Variants in FOXJ2 observed in about 807,000 individuals in gnomAD.
The protein encoded by FOXJ2 is forkhead box J2.
A neutral mutation model predicts 68.4 loss-of-function variants in FOXJ2; 18 were observed. That is an observed-to-expected ratio of 0.26 (90% CI 0.18 to 0.39). The LOEUF (loss-of-function observed/expected upper bound fraction) is 0.39, where lower values mean the gene tolerates loss of function less well. Ranked by LOEUF, FOXJ2 falls within the 10% of genes least tolerant of loss-of-function variation. FOXJ2 has a pLI of 1.00. For missense variants in FOXJ2, 670 were observed against 726.5 expected (o/e 0.92, Z 0.89); for synonymous variants, 274 against 263.2 (o/e 1.04, Z -0.40).
intron 10 of FOXJ2, among the ~76,000 whole-genome samples, chr12:8,050,853 CT>C (rs1472017273): frequency 3.8e-5 from 4 of 105,672 alleles, no homozygotes; most frequent in Non-Finnish European, 8.0e-5. Flanking sequence ...TTCCCTTCCC[CT>C]TCCCTTCCCT....
At chr12:8,048,440 T>C in intron 7 of FOXJ2, 151 bp downstream of exon 7, 3 of 1,340,650 alleles carry the variant, frequency 2.2e-6, no homozygotes, top group Non-Finnish European at 3.0e-6. Flanking sequence ...AAGTTACTAC[T>C]TAGAGCTCTG....
rs377087648 is a variant in FOXJ2 at position 8,050,937 on chromosome 12, C to T, written c.1636+317C>T. Among the ~76,000 whole-genome samples the T allele has an allele frequency of 3.4e-4, 35 of 102,888 alleles. No homozygotes were observed. The East Asian group carries it at 9.1e-3, about 27-fold the overall frequency. 67.5% of individuals were successfully genotyped at this position (102,888 alleles called of 152,430 possible). A position where few individuals can be genotyped will look rare whatever the true frequency, so the allele number is the denominator to read the frequency against. On this transcript the variant is annotated intron_variant, in intron 10 of 10. Transcript: ENST00000162391. ...CTTTCCTTCCCCTTCCCTTCCCCTTCCCCTTCCCTTCCCCTTCCTTTCCTC... is the reference window on the plus strand; with the variant it reads ...CTTTCCTTCCCCTTCCCTTCCCCTTTCCCTTCCCTTCCCCTTCCTTTCCTC...
At chr12:8,052,646 G>T (rs920138349) in intron 10 of FOXJ2, 116 bp from the exon 11 acceptor site, 2 of 800,792 alleles carry the variant, frequency 2.5e-6, no homozygotes, top group Non-Finnish European at 4.0e-6. Flanking sequence ...TGATAAGGGC[G>T]ATAGCCTCAC....
Position 8,054,077 on chromosome 12 carries a change from A to G in FOXJ2, c.*1227A>G, listed in dbSNP as rs867898307. The G allele has an allele frequency of 6.6e-6, 1 of 152,198 alleles. No homozygotes were observed. Among genetic ancestry groups the G allele is most frequent in the Non-Finnish European group, 1.5e-5 (1 of 68,042 alleles). The allele number at this position is 152,198 out of a possible 1,614,324, so 9.4% of individuals were successfully genotyped here. ...GATAGGGAATATTTTAGTTCTTTAA[A>G]TATATAGGCAGATGCTTCTCTTGGA... On this transcript the variant is annotated 3_prime_UTR_variant, in exon 11 of 11. Transcript: ENST00000162391.
intron 3 of FOXJ2, 64 bp from the exon 4 acceptor site, chr12:8,043,637 C>T: frequency 6.4e-7 from 1 of 1,559,624 alleles, no homozygotes; most frequent in Non-Finnish European, 8.8e-7. Context: ...CATTAATACC[C>T]AGAACCCTGG....
chr12:8,033,338 T>G lies in FOXJ2; in HGVS notation c.-510T>G, dbSNP rs1946859340. On this transcript the variant is annotated 5_prime_UTR_variant, in exon 1 of 11. Coordinates refer to ENST00000162391, the MANE Select transcript of FOXJ2 (RefSeq NM_018416.3). ...TCACAGGAGACAGGAGTCCTTACGT[T>G]CAGAAGCCACTCCAGGGAAAGAAGA... The G allele has an allele frequency of 6.5e-6, 1 of 154,716 alleles. No individual in the cohort carries two copies. The highest frequency in any genetic ancestry group is 2.4e-5 in the African/African-American group (1 of 41,534). The allele number at this position is 154,716 out of a possible 1,614,324, so 9.6% of individuals were successfully genotyped here. A position where few individuals can be genotyped will look rare whatever the true frequency, so the allele number is the denominator to read the frequency against.
At chr12:8,047,309 C>T (rs1352205962) in intron 6 of FOXJ2, among the ~76,000 whole-genome samples, 2 of 151,998 alleles carry the variant, frequency 1.3e-5, no homozygotes, top group Admixed American at 6.6e-5. Flanking sequence ...ATTAGCCAGG[C>T]GTGGTGGTAC....
rs1476141345 is a variant in FOXJ2, at chr12:8,038,039, C to A, written c.-14-1780C>A. On this transcript the variant is annotated intron_variant, in intron 1 of 10. Coordinates refer to ENST00000162391, the MANE Select transcript of FOXJ2 (RefSeq NM_018416.3). This position sits in a 1 kb window ranked among gnomAD's most constrained non-coding sequence, Gnocchi z 5.3. ...AAACATGCCAGCCCCCCTCGCTCCG[C>A]CCCTTTTCTCCTGTCAAACAATTCT... Among the ~76,000 whole-genome samples the A allele has an allele frequency of 6.6e-6, 1 of 152,184 alleles. No individual in the cohort carries two copies. The highest frequency in any genetic ancestry group is 6.5e-5 in the Admixed American group (1 of 15,282).
At position 8,032,717 on chromosome 12, in the gene FOXJ2, C is replaced by CAGCGG. The variant is rs1474528294; in HGVS notation, c.-1127_-1123dup. ...GAGGCCGGGGAGGAGCCGGGGCCTG[C>CAGCGG]AGCGGAGCCGAGCCGAGCCCGAGCC... On this transcript the variant is annotated 5_prime_UTR_variant, in exon 1 of 11. Transcript: ENST00000162391. The surrounding 1 kb of genome is among the most constrained non-coding windows in gnomAD (Gnocchi z 4.8). 1 of 389,530 alleles carries CAGCGG rather than the reference C, an allele frequency of 2.6e-6. No individual in the cohort carries two copies. The highest frequency in any genetic ancestry group is 4.5e-6 in the Non-Finnish European group (1 of 220,346). The allele number at this position is 389,530 out of a possible 1,614,324, so 24.1% of individuals were successfully genotyped here. A position where few individuals can be genotyped will look rare whatever the true frequency, so the allele number is the denominator to read the frequency against.
chr12:8,044,054 CA>C lies in FOXJ2; in HGVS notation c.582del (p.Leu195PhefsTer7). ...CCTCCTGAGGGGAATCCGCAGATGT[CA>C]CTTCAGAGCCCCACATCTATAGCCA... The part of the protein sequence containing the change: ...SLPPEGNPQM[S>X]LQSPTSIASY... On this transcript the variant is annotated frameshift_variant, in exon 5 of 11. Coordinates refer to ENST00000162391, the MANE Select transcript of FOXJ2 (RefSeq NM_018416.3). LOFTEE classifies it high-confidence loss of function. The C allele has an allele frequency of 1.3e-6, 2 of 1,572,980 alleles. No homozygotes were observed. Among genetic ancestry groups the C allele is most frequent in the Non-Finnish European group, 1.7e-6 (2 of 1,161,876 alleles).
chr12:8,037,359 C>T (rs1335469245), intron 1 of FOXJ2, among the ~76,000 whole-genome samples: 1 of 151,978 alleles, frequency 6.6e-6, no homozygotes, highest in Non-Finnish European at 1.5e-5. Flanking sequence ...GTGCTGGGGG[C>T]TGTATCTGGA....
Position 8,032,845 on chromosome 12 carries a change from G to A in FOXJ2, c.-1003G>A, listed in dbSNP as rs1224489809. Reference sequence around the variant, plus strand: ...GCGCGGGGAGCCCCACGCGCCGAAGGGAGCGGACCCGACAGGACGGCCCTA... The same window carrying A: ...GCGCGGGGAGCCCCACGCGCCGAAGAGAGCGGACCCGACAGGACGGCCCTA... On this transcript the variant is annotated 5_prime_UTR_variant, in exon 1 of 11. Transcript: ENST00000162391. The surrounding 1 kb of genome is among the most constrained non-coding windows in gnomAD (Gnocchi z 4.8). The A allele has an allele frequency of 2.3e-5, 9 of 398,110 alleles. No individual in the cohort carries two copies. Among genetic ancestry groups the A allele is most frequent in the Non-Finnish European group, 4.0e-5 (9 of 225,836 alleles). 24.7% of individuals were successfully genotyped at this position (398,110 alleles called of 1,614,324 possible).
intron 10 of FOXJ2, 102 bp from the exon 11 acceptor site, chr12:8,052,660 G>A: frequency 1.1e-6 from 1 of 949,012 alleles, no homozygotes; most frequent in South Asian, 1.5e-5. Context: ...GCCTCACAAG[G>A]CCTTCTTCGT....
At position 8,043,979 on chromosome 12, in the gene FOXJ2, C is replaced by A; in HGVS notation, c.506C>A (p.Ala169Glu). 6.4e-7 allele frequency: 1 copy of A among 1,568,286 alleles called. No homozygotes were observed. The highest frequency in any genetic ancestry group is 1.2e-5 in the South Asian group (1 of 83,604). Residue 169 changes from alanine (A) to glutamate (E), a missense_variant, in exon 5 of 11, where the codon GCA becomes GAA. Coordinates refer to ENST00000162391, the MANE Select transcript of FOXJ2 (RefSeq NM_018416.3). ...TCCCAAGACTCACCAGAACAGGAGGCAAGCAAGAGCCCACGGGGAGGCGTT... is the reference window on the plus strand; with the variant it reads ...TCCCAAGACTCACCAGAACAGGAGGAAAGCAAGAGCCCACGGGGAGGCGTT... ...DLSQDSPEQE[A>E]SKSPRGGVAG...
Position 8,044,887 on chromosome 12 carries a change from A to G in FOXJ2, c.746A>G (p.Gln249Arg), listed in dbSNP as rs750445406. The part of the protein sequence containing the change: ...FKFSYSEINF[Q>R]DLSWSFRNLY... ...TTCTCCTACTCAGAGATCAACTTTCAGGATCTAAGCTGGTCCTTCCGCAAC... is the reference window on the plus strand; with the variant it reads ...TTCTCCTACTCAGAGATCAACTTTCGGGATCTAAGCTGGTCCTTCCGCAAC... Residue 249 changes from glutamine to arginine, a missense_variant, in exon 6 of 11, where the codon CAG becomes CGG. Gln to Arg is a conservative substitution (Grantham distance 43). This residue lies in a region of FOXJ2 where 555 missense variants were observed against 562.2 expected (regional missense o/e 0.99). Coordinates refer to ENST00000162391, the MANE Select transcript of FOXJ2 (RefSeq NM_018416.3). 1.2e-5 allele frequency: 20 copies of G among 1,614,174 alleles called. No homozygotes were observed. The highest frequency in any genetic ancestry group is 1.6e-5 in the Non-Finnish European group (19 of 1,180,010).
At position 8,035,445 on chromosome 12, in the gene FOXJ2, A is replaced by G. The variant is rs922765955; in HGVS notation, c.-15+1612A>G. Reference sequence around the variant, plus strand: ...GTCTCAGGCTGGGATCATTTCTTCTAGGACTAATAAGAGAGCTTCATTGCT... The same window carrying G: ...GTCTCAGGCTGGGATCATTTCTTCTGGGACTAATAAGAGAGCTTCATTGCT... On this transcript the variant is annotated intron_variant, in intron 1 of 10. Transcript: ENST00000162391. The surrounding 1 kb of genome is among the most constrained non-coding windows in gnomAD (Gnocchi z 4.0). Among the ~76,000 whole-genome samples, 5 of 152,126 alleles carry G rather than the reference A, an allele frequency of 3.3e-5. No homozygotes were observed. Among genetic ancestry groups the G allele is most frequent in the Admixed American group, 6.6e-5 (1 of 15,262 alleles).
Position 8,038,205 on chromosome 12 carries a change from T to C in FOXJ2, c.-14-1614T>C, listed in dbSNP as rs11829998. Among the ~76,000 whole-genome samples, 11,574 of 152,010 alleles carry C rather than the reference T, an allele frequency of 0.076. 1,313 individuals are homozygous for C. The highest frequency in any genetic ancestry group is 0.25 in the African/African-American group (10,357 of 41,386). ...GATTGCCATCTGCGTGGGTGGGACC[T>C]TGGGGAGAGGGGAGTAAGTCAGAAT... On this transcript the variant is annotated intron_variant, in intron 1 of 10. Coordinates refer to ENST00000162391, the MANE Select transcript of FOXJ2 (RefSeq NM_018416.3). This position sits in a 1 kb window ranked among gnomAD's most constrained non-coding sequence, Gnocchi z 5.3.
chr12:8,050,431 G>T lies in FOXJ2; in HGVS notation c.1538-91G>T. On this transcript the variant is annotated intron_variant, in intron 9 of 10. Coordinates refer to ENST00000162391, the MANE Select transcript of FOXJ2 (RefSeq NM_018416.3). ...AGGGCAGGGAAGAGAGAAGGAGGAT[G>T]GGAGCAAGGGTATATTTTTTTCTTC... 7 of 1,505,278 alleles carry T rather than the reference G, an allele frequency of 4.7e-6. 1 individual carries two copies. In the South Asian group the frequency reaches 9.4e-5, roughly 20 times the overall value. 93.2% of individuals were successfully genotyped at this position (1,505,278 alleles called of 1,614,324 possible). A position where few individuals can be genotyped will look rare whatever the true frequency, so the allele number is the denominator to read the frequency against.
At chr12:8,050,453 C>A in intron 9 of FOXJ2, 69 bp from the exon 10 acceptor site, 1 of 1,557,020 alleles carries the variant, frequency 6.4e-7, no homozygotes, top group South Asian at 1.2e-5. Context: ...ATATTTTTTT[C>A]TTCCCTGCTT....
Sources: gnomAD v4.1 joint callset for allele counts (sites outside exome capture counted in the v4.1 genomes callset) on GRCh38, gnomAD v4.1.1 for gene constraint, gnomAD v4.1.1 regional missense constraint, Gnocchi (gnomAD v3.1) non-coding constraint, MANE v1.5 for transcripts, NCBI Gene and HGNC (gene_info 2026-07-23, HGNC 2026-07-21) for gene names.